The following GPC3 variants were observed in gnomAD, a reference collection of about 807,000 sequenced individuals.
GPC3 encodes glypican 3.
In GPC3, 3 loss-of-function variants were observed where a neutral mutation model predicts 34.4. The observed-to-expected ratio is 0.09, with a 90% CI of 0.04 to 0.23. The LOEUF (loss-of-function observed/expected upper bound fraction) is 0.23. Among genes scored for constraint, GPC3 ranks in the 10% least tolerant of loss-of-function variants. The pLI is 1.00. For missense variants in GPC3, 351 were observed against 445.6 expected, an observed-to-expected ratio of 0.79 and a Z score of 1.91; for synonymous variants, 177 against 174.0, an observed-to-expected ratio of 1.02 and a Z score of -0.13.
At chrX:133,775,961 G>A (rs1164466350) in intron 2 of GPC3, among the ~76,000 whole-genome samples, 1 of 111,475 alleles carries the variant, frequency 9.0e-6, no homozygotes, top group Non-Finnish European at 1.9e-5. Context: ...CAAAGTTAAT[G>A]GAAAATAAAA....
intron 3 of GPC3, among the ~76,000 whole-genome samples, chrX:133,720,400 C>T (rs2071352278): frequency 9.0e-6 from 1 of 111,417 alleles, no homozygotes; most frequent in Non-Finnish European, 1.9e-5. Flanking sequence ...ATGCTGTTCT[C>T]CTGATAGTGA....
intron 1 of GPC3, among the ~76,000 whole-genome samples, chrX:133,980,141 C>T (rs924985256): frequency 1.8e-5 from 2 of 111,936 alleles, no homozygotes; most frequent in African/African-American, 6.5e-5. Flanking sequence ...AATTGTTGAT[C>T]GTTAATGATA....
At chrX:133,946,984 T>G (rs2076371751) in intron 2 of GPC3, among the ~76,000 whole-genome samples, 1 of 111,843 alleles carries the variant, frequency 8.9e-6, no homozygotes, top group Non-Finnish European at 1.9e-5. Flanking sequence ...AAATTGTTTC[T>G]ACCTCCACTC....
chrX:133,695,663 A>G (rs964061972), intron 4 of GPC3, among the ~76,000 whole-genome samples: 4 of 112,263 alleles, frequency 3.6e-5, no homozygotes, highest in Admixed American at 9.4e-5. Context: ...CACCAGCTGT[A>G]AACAGTTCAA....
chrX:133,723,979 A>G (rs1278107590), intron 3 of GPC3, among the ~76,000 whole-genome samples: 1 of 112,510 alleles, frequency 8.9e-6, no homozygotes, highest in Non-Finnish European at 1.9e-5. Context: ...CGTGAAATAC[A>G]TATAGTAGAT....
rs758562385 is a variant in GPC3 at position 133,629,668 on chromosome X, A to G, written c.1413+32062T>C. Among the ~76,000 whole-genome samples, 13 of 108,919 alleles carry G rather than the reference A, an allele frequency of 1.2e-4. No homozygotes were observed. In the South Asian group the frequency reaches 5.5e-3, roughly 46 times the overall value. The allele number at this position is 108,919 out of a possible 115,157, so 94.6% of individuals were successfully genotyped here. A position where few individuals can be genotyped will look rare whatever the true frequency, so the allele number is the denominator to read the frequency against. On this transcript the variant is annotated intron_variant, in intron 6 of 7. Transcript: ENST00000370818. ...CTCGGCCTCCCAAAGTGCTGGGATTACAGGTGTGAGCCACCACACCTGGCC... is the reference window on the plus strand; with the variant it reads ...CTCGGCCTCCCAAAGTGCTGGGATTGCAGGTGTGAGCCACCACACCTGGCC...
intron 2 of GPC3, among the ~76,000 whole-genome samples, chrX:133,878,371 G>T (rs1198167640): frequency 9.0e-6 from 1 of 110,793 alleles, no homozygotes; most frequent in East Asian, 2.8e-4. Flanking sequence ...AGGTTGTAGT[G>T]AGCTGAGATC....
At chrX:133,745,795 G>A (rs1217071316) in intron 3 of GPC3, among the ~76,000 whole-genome samples, 1 of 112,399 alleles carries the variant, frequency 8.9e-6, no homozygotes, top group African/African-American at 3.2e-5. Context: ...GGGACCATGT[G>A]TTGGAAGACA....
At chrX:133,801,840 G>C (rs749092166) in intron 2 of GPC3, among the ~76,000 whole-genome samples, 1 of 112,152 alleles carries the variant, frequency 8.9e-6, no homozygotes, top group East Asian at 2.8e-4. Context: ...TTTATGTGTT[G>C]TCTCCATGAA....
intron 2 of GPC3, among the ~76,000 whole-genome samples, chrX:133,805,630 G>A (rs773027822): frequency 8.9e-6 from 1 of 112,202 alleles, no homozygotes; most frequent in Non-Finnish European, 1.9e-5. Context: ...TAATTAACGT[G>A]TATGACTTTG....
intron 3 of GPC3, among the ~76,000 whole-genome samples, chrX:133,735,298 C>A (rs944649745): frequency 9.0e-6 from 1 of 111,332 alleles, no homozygotes; most frequent in African/African-American, 3.3e-5. Flanking sequence ...TCAAAAAAAA[C>A]CCTACATACA....
chrX:133,918,561 AAGCAATGTTT>A (rs1355185277), intron 2 of GPC3, among the ~76,000 whole-genome samples: 1 of 112,297 alleles, frequency 8.9e-6, no homozygotes, highest in Non-Finnish European at 1.9e-5. Flanking sequence ...TAGCTTTCCA[AAGCAATGTTT>A]ACAAACTGCC....
intron 2 of GPC3, among the ~76,000 whole-genome samples, chrX:133,927,449 A>G (rs1288624438): frequency 3.6e-5 from 4 of 110,151 alleles, no homozygotes; most frequent in Non-Finnish European, 7.6e-5. Flanking sequence ...TATAAATAAG[A>G]TAGAGTGAGG....
At chrX:133,958,716 A>C (rs777964910) in intron 1 of GPC3, among the ~76,000 whole-genome samples, 20 of 105,403 alleles carry the variant, frequency 1.9e-4, no homozygotes, top group African/African-American at 6.9e-4. Context: ...ACTGAAAAAA[A>C]AAAAAAACAA....
chrX:133,654,766 T>C (rs964752145), intron 6 of GPC3, among the ~76,000 whole-genome samples: 12 of 111,199 alleles, frequency 1.1e-4, no homozygotes, highest in African/African-American at 3.6e-4. Flanking sequence ...AGTGGGTAAA[T>C]GTAAATACAA....
chrX:133,888,826 G>A (rs770995199), intron 2 of GPC3, among the ~76,000 whole-genome samples: 1 of 112,167 alleles, frequency 8.9e-6, no homozygotes, highest in East Asian at 2.8e-4. Context: ...AAGCTGACTT[G>A]ATCTCCAAAC....
chrX:133,563,169 A>C (rs182897472), intron 7 of GPC3, among the ~76,000 whole-genome samples: 367 of 111,367 alleles, frequency 3.3e-3, no homozygotes, highest in Non-Finnish European at 4.7e-3. Flanking sequence ...ATACCAAAAC[A>C]CTTGAGGGGA....
chrX:133,761,473 T>C (rs2071790116), intron 2 of GPC3, among the ~76,000 whole-genome samples: 2 of 112,154 alleles, frequency 1.8e-5, no homozygotes, highest in African/African-American at 6.5e-5. Context: ...GTCTTGCTTT[T>C]TAAATTTCAC....
chrX:133,843,265 G>A (rs758699805), intron 2 of GPC3, among the ~76,000 whole-genome samples: 7 of 111,541 alleles, frequency 6.3e-5, no homozygotes, highest in Non-Finnish European at 1.1e-4. Context: ...CTGGTGGGAG[G>A]TGACTGGATC....
Sources: gnomAD v4.1 joint callset for allele counts (sites outside exome capture counted in the v4.1 genomes callset) on GRCh38, gnomAD v4.1.1 for gene constraint, MANE v1.5 for transcripts, NCBI Gene and HGNC (gene_info 2026-07-23, HGNC 2026-07-21) for gene names.